POC1B: variants seen among roughly 807,000 people sequenced by gnomAD.
The protein encoded by POC1B is POC1 centriolar protein B.
Under a neutral mutation model 60.6 loss-of-function variants are expected in POC1B, and 44 were observed. The ratio of observed to expected loss-of-function variants is 0.73; its 90% CI spans 0.57 to 0.93. The LOEUF is 0.93. POC1B is among the 40% of genes least tolerant of loss of function. The probability of loss-of-function intolerance (pLI) is 0.00; values close to 1 mark genes in which losing one functional copy is unlikely to be tolerated. For synonymous variants in POC1B, 180 were observed against 198.9 expected (o/e 0.90, Z 0.80); for missense variants, 555 against 572.3 (o/e 0.97, Z 0.31).
intron 2 of POC1B, among the ~76,000 whole-genome samples, chr12:89,507,301 A>C (rs564259681): frequency 6.6e-6 from 1 of 151,034 alleles, no homozygotes; most frequent in Non-Finnish European, 1.5e-5. Context: ...AACTATGAAA[A>C]CCAACATTGA....
In POC1B at chr12:89,502,521, A is replaced by G. The variant is rs531358465; in HGVS notation, c.101-5179T>C. Reference sequence around the variant, plus strand: ...AAGAAAAGGATCTGTCTTGATAACGATGAAAGAAAGACTAGCTTAATGGTA... The same window carrying G: ...AAGAAAAGGATCTGTCTTGATAACGGTGAAAGAAAGACTAGCTTAATGGTA... On this transcript the variant is annotated intron_variant, in intron 2 of 11. Transcript: ENST00000313546. 7 of 1,098,190 alleles carry G rather than the reference A, an allele frequency of 6.4e-6. No individual in the cohort carries two copies. The African/African-American group carries it at 9.3e-5, about 15-fold the overall frequency. 68.0% of individuals were successfully genotyped at this position (1,098,190 alleles called of 1,614,324 possible).
At chr12:89,500,841 A>G in intron 2 of POC1B, 1 of 1,054,148 alleles carries the variant, frequency 9.5e-7, no homozygotes. Flanking sequence ...TCAGAATAGA[A>G]TACGACATTC....
At chr12:89,497,095 T>A (rs1869287893) in intron 3 of POC1B, 76 bp downstream of exon 3, 3 of 1,470,536 alleles carry the variant, frequency 2.0e-6, no homozygotes, top group Non-Finnish European at 2.8e-6. Flanking sequence ...CAGCAGTGCA[T>A]GAGCAGCAGC....
At chr12:89,451,744 G>A (rs1010565148) in intron 10 of POC1B, among the ~76,000 whole-genome samples, 3 of 152,182 alleles carry the variant, frequency 2.0e-5, no homozygotes, top group Non-Finnish European at 4.4e-5. Flanking sequence ...CAGACTTGCT[G>A]ACTACTTTCA....
At chr12:89,479,722 A>G (rs1357882730) in intron 4 of POC1B, among the ~76,000 whole-genome samples, 1 of 152,146 alleles carries the variant, frequency 6.6e-6, no homozygotes, top group Non-Finnish European at 1.5e-5. Flanking sequence ...TAGACACAGA[A>G]TTTTAATTAC....
chr12:89,508,244 G>A (rs1869997391), intron 2 of POC1B, among the ~76,000 whole-genome samples: 1 of 152,186 alleles, frequency 6.6e-6, no homozygotes, highest in Admixed American at 6.5e-5. Flanking sequence ...TGGAGACAAT[G>A]TTTTGTTAAT....
At chr12:89,460,010 AC>A in intron 9 of POC1B, 1 of 419,068 alleles carries the variant, frequency 2.4e-6, no homozygotes, top group Admixed American at 2.9e-5. Flanking sequence ...AAATAAAATG[AC>A]CCACCTCAAA....
At chr12:89,438,261 T>A (rs1380475408) in intron 10 of POC1B, among the ~76,000 whole-genome samples, 1 of 151,750 alleles carries the variant, frequency 6.6e-6, no homozygotes, top group Non-Finnish European at 1.5e-5. Flanking sequence ...ATCGAGACCA[T>A]CCTGGCTAAC....
chr12:89,503,975 C>G (rs1201919319), intron 2 of POC1B, among the ~76,000 whole-genome samples: 1 of 151,520 alleles, frequency 6.6e-6, no homozygotes, highest in African/African-American at 2.4e-5. Flanking sequence ...GCCGCCCCGT[C>G]CGGGAGGGAG....
Position 89,497,195 on chromosome 12 carries a change from G to C in POC1B, c.248C>G (p.Thr83Ser), listed in dbSNP as rs1194347678. 6.2e-7 allele frequency: 1 copy of C among 1,613,752 alleles called. No individual in the cohort carries two copies. The highest frequency in any genetic ancestry group is 1.3e-5 in the African/African-American group (1 of 74,922). The change falls in exon 3 of 12, where the codon ACC (threonine) becomes AGC (serine). Residue 83 changes from threonine (T) to serine (S), a missense_variant. Thr to Ser is a moderately conservative substitution (Grantham distance 58). Coordinates refer to ENST00000313546, the MANE Select transcript of POC1B (RefSeq NM_172240.3). Reference protein sequence around the residue: ...NLLASASRDRTVRLWIPDKRG... With the variant: ...NLLASASRDRSVRLWIPDKRG... ...CTTATCAGGAATCCAGAGTCTCACG[G>C]TTCTGTCTCGTGAGGCAGACGCCAA...
At chr12:89,488,660 T>C (rs1456477654) in intron 4 of POC1B, among the ~76,000 whole-genome samples, 1 of 152,076 alleles carries the variant, frequency 6.6e-6, no homozygotes, top group East Asian at 1.9e-4. Flanking sequence ...CTAATTTTTG[T>C]ATTTTTAGTA....
In POC1B at chr12:89,525,962, G is replaced by T. The variant is rs1459930380; in HGVS notation, c.-67C>A. The T allele has an allele frequency of 3.9e-6, 6 of 1,544,478 alleles. No individual in the cohort carries two copies. In the East Asian group the frequency reaches 1.2e-4, roughly 32 times the overall value. Reference sequence around the variant, plus strand: ...CCGGAGAGGGGAGGGGAGAGGATGGGGAAGGAGAGGGGACCGTGCGGCTCC... The same window carrying T: ...CCGGAGAGGGGAGGGGAGAGGATGGTGAAGGAGAGGGGACCGTGCGGCTCC... On this transcript the variant is annotated 5_prime_UTR_variant, in exon 1 of 12. Transcript: ENST00000313546.
rs746928233 is a variant in POC1B, at chr12:89,523,960, C to A, written c.100+1160G>T. 2.5e-6 allele frequency: 4 copies of A among 1,613,766 alleles called. No individual in the cohort carries two copies. The South Asian group carries it at 3.3e-5, about 13-fold the overall frequency. Reference sequence around the variant, plus strand: ...CTCTCGCTTATTGGTCCTAATCAAGCGTACTCTATCAAGATTGCTGATGTA... The same window carrying A: ...CTCTCGCTTATTGGTCCTAATCAAGAGTACTCTATCAAGATTGCTGATGTA... On this transcript the variant is annotated intron_variant, in intron 2 of 11. Transcript: ENST00000313546.
chr12:89,440,881 C>T (rs1474200172), intron 10 of POC1B, among the ~76,000 whole-genome samples: 1 of 152,254 alleles, frequency 6.6e-6, no homozygotes, highest in Non-Finnish European at 1.5e-5. Context: ...GAAGCCATGA[C>T]AGATGGTACC....
At position 89,526,016 on chromosome 12, in the gene POC1B, C is replaced by G. The variant is rs1046338512; in HGVS notation, c.-121G>C. ...AACCGTCTGCCCAGAGCGGCAGCGC[C>G]TCCCGGTCACTACAACAACGGCGGC... On this transcript the variant is annotated 5_prime_UTR_variant, in exon 1 of 12. Coordinates refer to ENST00000313546, the MANE Select transcript of POC1B (RefSeq NM_172240.3). 5 of 1,538,192 alleles carry G rather than the reference C, an allele frequency of 3.3e-6. No homozygotes were observed. Among genetic ancestry groups the G allele is most frequent in the Non-Finnish European group, 8.7e-7 (1 of 1,145,792 alleles).
At chr12:89,490,039 C>T (rs1868871098) in intron 4 of POC1B, among the ~76,000 whole-genome samples, 1 of 152,096 alleles carries the variant, frequency 6.6e-6, no homozygotes, top group South Asian at 2.1e-4. Context: ...AGCCTGGAGC[C>T]GGCAGGGACC....
intron 2 of POC1B, among the ~76,000 whole-genome samples, chr12:89,497,765 T>C (rs1165238896): frequency 6.6e-6 from 1 of 152,204 alleles, no homozygotes; most frequent in African/African-American, 2.4e-5. Flanking sequence ...TTTTTCAAAC[T>C]GTTTATGTGG....
chr12:89,473,341 A>G (rs1882976906), intron 4 of POC1B, among the ~76,000 whole-genome samples: 1 of 152,260 alleles, frequency 6.6e-6, no homozygotes, highest in African/African-American at 2.4e-5. Context: ...TCACACAGAA[A>G]AAAGGCACAA....
Position 89,500,300 on chromosome 12 carries a change from T to C in POC1B, c.101-2958A>G, listed in dbSNP as rs1869488362. The C allele has an allele frequency of 3.9e-6, 6 of 1,534,626 alleles. No individual in the cohort carries two copies. In the East Asian group the frequency reaches 1.4e-4, roughly 35 times the overall value. Reference sequence around the variant, plus strand: ...TTCAACACGCAAAATAAAAGACACTTGTATTCAGTCACCAAGCAAAGAGTG... The same window carrying C: ...TTCAACACGCAAAATAAAAGACACTCGTATTCAGTCACCAAGCAAAGAGTG... On this transcript the variant is annotated intron_variant, in intron 2 of 11. Transcript: ENST00000313546.
Sources: gnomAD v4.1 joint callset for allele counts (sites outside exome capture counted in the v4.1 genomes callset) on GRCh38, gnomAD v4.1.1 for gene constraint, MANE v1.5 for transcripts, NCBI Gene and HGNC (gene_info 2026-07-23, HGNC 2026-07-21) for gene names.